The following CSMD3 variants were observed in gnomAD, a reference collection of about 807,000 sequenced individuals.
The protein encoded by CSMD3 is CUB and Sushi multiple domains 3.
In CSMD3, 177 loss-of-function variants were observed where a neutral mutation model predicts 435.2. That is an observed-to-expected ratio of 0.41 (90% confidence interval 0.36 to 0.46). The LOEUF (loss-of-function observed/expected upper bound fraction) is 0.46. CSMD3 is among the 20% of genes least tolerant of loss of function. The pLI, the probability that CSMD3 is intolerant of heterozygous loss-of-function variation, is 0.34. For synonymous variants in CSMD3, 1,656 were observed against 1,520.5 expected (o/e 1.09, Z -2.07); for missense variants, 4,265 against 4,504.6 (o/e 0.95, Z 1.52).
In CSMD3 at chr8:112,352,448, A is replaced by T. The variant is rs753732021; in HGVS notation, c.6223T>A (p.Ser2075Thr). ...GAATATCCTTGATCACACTGAAAGG[A>T]TACTACATCTCCAACCATATATCTG... ...GDRYMVGDVVSFQCDQGYSLQ... is the reference protein window; with the variant it reads ...GDRYMVGDVVTFQCDQGYSLQ... Residue 2075 changes from serine (S) to threonine (T), a missense_variant, in exon 39 of 71, where the codon TCC becomes ACC. Ser to Thr is a moderately conservative substitution (Grantham distance 58). Transcript: ENST00000297405. The T allele has an allele frequency of 2.5e-6, 4 of 1,613,550 alleles. No homozygotes were observed. The highest frequency in any genetic ancestry group is 3.4e-6 in the Non-Finnish European group (4 of 1,179,762).
chr8:113,007,103 T>C (rs1174391238), intron 6 of CSMD3, among the ~76,000 whole-genome samples: 1 of 151,970 alleles, frequency 6.6e-6, no homozygotes, highest in Admixed American at 6.6e-5. Context: ...GTCCCTCTTC[T>C]TTCCTTATAT....
intron 13 of CSMD3, among the ~76,000 whole-genome samples, chr8:112,710,640 T>A (rs2076590522): frequency 6.6e-6 from 1 of 151,596 alleles, no homozygotes; most frequent in South Asian, 2.1e-4. Context: ...ACAAGGAAAG[T>A]CTGAGAAAGA....
At chr8:112,780,569 G>A (rs564917247) in intron 13 of CSMD3, among the ~76,000 whole-genome samples, 4 of 152,138 alleles carry the variant, frequency 2.6e-5, no homozygotes, top group African/African-American at 9.6e-5. Context: ...GACACTGAAG[G>A]GGGAAGTAAA....
At chr8:112,248,949 T>G (rs1441350562) in intron 63 of CSMD3, among the ~76,000 whole-genome samples, 1 of 152,128 alleles carries the variant, frequency 6.6e-6, no homozygotes, top group African/African-American at 2.4e-5. Context: ...TTTTATTCCT[T>G]AAAACCAGAG....
chr8:112,612,483 T>C (rs1833332791), intron 22 of CSMD3, among the ~76,000 whole-genome samples: 1 of 152,026 alleles, frequency 6.6e-6, no homozygotes, highest in Non-Finnish European at 1.5e-5. Flanking sequence ...TAGGGAAACA[T>C]GCTAAGAGAC....
At chr8:112,370,070 AAGAAGAAGAAGAAGTAGT>A (rs1482095268) in intron 38 of CSMD3, among the ~76,000 whole-genome samples, 2 of 145,242 alleles carry the variant, frequency 1.4e-5, no homozygotes, top group East Asian at 2.1e-4. Context: ...GAAGAAGAAG[AAGAAGAAGAAGAAGTAGT>A]AGTAGTAGTA....
intron 6 of CSMD3, among the ~76,000 whole-genome samples, chr8:112,996,388 A>G (rs1274822041): frequency 1.3e-5 from 2 of 151,688 alleles, no homozygotes; most frequent in Non-Finnish European, 3.0e-5. Flanking sequence ...CATATAAATA[A>G]ATTTAGCATC....
intron 3 of CSMD3, among the ~76,000 whole-genome samples, chr8:113,186,742 C>T (rs1368081859): frequency 6.6e-6 from 1 of 152,052 alleles, no homozygotes; most frequent in Non-Finnish European, 1.5e-5. Flanking sequence ...GATCATTTTA[C>T]ACCCTGTGGT....
At chr8:113,251,658 T>A (rs553994955) in intron 3 of CSMD3, among the ~76,000 whole-genome samples, 2 of 152,120 alleles carry the variant, frequency 1.3e-5, no homozygotes, top group East Asian at 3.9e-4. Flanking sequence ...TAACCAAAAA[T>A]ACTTCCCTTA....
chr8:112,896,284 G>A (rs1176261943), intron 10 of CSMD3, among the ~76,000 whole-genome samples: 2 of 151,382 alleles, frequency 1.3e-5, no homozygotes, highest in African/African-American at 4.8e-5. Flanking sequence ...CTCCAGGCCT[G>A]AGAATAAGAG....
At chr8:112,909,762 C>A (rs758785884) in intron 10 of CSMD3, among the ~76,000 whole-genome samples, 1 of 151,778 alleles carries the variant, frequency 6.6e-6, no homozygotes, top group Non-Finnish European at 1.5e-5. Context: ...AAACACTTAT[C>A]TCAGAAGTAA....
At chr8:112,868,616 T>C (rs1257398805) in intron 10 of CSMD3, among the ~76,000 whole-genome samples, 3 of 152,108 alleles carry the variant, frequency 2.0e-5, no homozygotes, top group Non-Finnish European at 4.4e-5. Context: ...TGACTGTATA[T>C]GCAAAGCTAC....
chr8:112,498,431 T>C (rs564775175), intron 30 of CSMD3, among the ~76,000 whole-genome samples: 3 of 152,220 alleles, frequency 2.0e-5, no homozygotes, highest in South Asian at 4.1e-4. Flanking sequence ...GGGAGGGACA[T>C]ATATTCAGCT....
intron 69 of CSMD3, among the ~76,000 whole-genome samples, chr8:112,231,054 A>T (rs1206327769): frequency 1.3e-5 from 2 of 152,176 alleles, no homozygotes; most frequent in Non-Finnish European, 2.9e-5. Flanking sequence ...CCACTGCAGA[A>T]AATTTACATA....
intron 41 of CSMD3, among the ~76,000 whole-genome samples, chr8:112,343,255 TA>T (rs1825350544): frequency 6.6e-6 from 1 of 152,056 alleles, no homozygotes; most frequent in African/African-American, 2.4e-5. Flanking sequence ...TAATTCATTT[TA>T]AAATAATTCA....
intron 35 of CSMD3, among the ~76,000 whole-genome samples, chr8:112,403,056 G>A (rs1831475994): frequency 6.6e-6 from 1 of 152,170 alleles, no homozygotes; most frequent in African/African-American, 2.4e-5. Context: ...GTAGGCACAA[G>A]ATAGGCGGAA....
intron 10 of CSMD3, among the ~76,000 whole-genome samples, chr8:112,898,186 T>C (rs1048737833): frequency 2.6e-5 from 4 of 151,210 alleles, no homozygotes; most frequent in Admixed American, 2.6e-4. Flanking sequence ...GAGAAAAGTA[T>C]TAAGGATACT....
At chr8:112,731,291 A>AT (rs1264083844) in intron 13 of CSMD3, among the ~76,000 whole-genome samples, 1 of 152,156 alleles carries the variant, frequency 6.6e-6, no homozygotes, top group Non-Finnish European at 1.5e-5. Flanking sequence ...AGTGATAGTC[A>AT]TTTTTTAAAA....
intron 7 of CSMD3, among the ~76,000 whole-genome samples, chr8:112,965,087 C>G (rs2084367342): frequency 6.6e-6 from 1 of 151,972 alleles, no homozygotes; most frequent in Non-Finnish European, 1.5e-5. Context: ...AAAAATGTCT[C>G]TACATAGGAC....
Sources: gnomAD v4.1 joint callset for allele counts (sites outside exome capture counted in the v4.1 genomes callset) on GRCh38, gnomAD v4.1.1 for gene constraint, MANE v1.5 for transcripts, NCBI Gene and HGNC (gene_info 2026-07-23, HGNC 2026-07-21) for gene names.